Variants in USH1C observed in about 807,000 individuals in gnomAD.
USH1C encodes the protein USH1 protein network component harmonin, also known as harmonin.
In USH1C, 90 loss-of-function variants were observed where a neutral mutation model predicts 119.3. The ratio of observed to expected loss-of-function variants is 0.75; its 90% CI spans 0.64 to 0.90. USH1C has a LOEUF of 0.90. Among genes scored for constraint, USH1C ranks in the 40% least tolerant of loss-of-function variants. The pLI, the probability that USH1C is intolerant of heterozygous loss-of-function variation, is 0.00. For synonymous variants in USH1C, 465 were observed against 443.3 expected (o/e 1.05, Z -0.62); for missense variants, 1,165 against 1,167.7 (o/e 1.00, Z 0.03).
intron 1 of USH1C, among the ~76,000 whole-genome samples, chr11:17,543,827 G>A (rs574439142): frequency 6.6e-6 from 1 of 152,334 alleles, no homozygotes; most frequent in African/African-American, 2.4e-5. Context: ...AGGTCAAAAG[G>A]CAGAGAGAGA....
Position 17,531,130 on chromosome 11 carries a change from C to T in USH1C, c.387+24G>A, listed in dbSNP as rs200291055. ...AGGAGGTCCGAGGCCCTCGCTCCCC[C>T]TCCCCCGGACTCTGTTTGCTCACCT... On this transcript the variant is annotated intron_variant, in intron 4 of 26. Coordinates refer to ENST00000005226, the MANE Select transcript of USH1C (RefSeq NM_153676.4). This position sits in a 1 kb window ranked among gnomAD's most constrained non-coding sequence, Gnocchi z 4.2. 1.2e-5 allele frequency: 19 copies of T among 1,613,824 alleles called. No individual in the cohort carries two copies. The highest frequency in any genetic ancestry group is 4.5e-5 in the East Asian group (2 of 44,882).
intron 9 of USH1C, 47 bp downstream of exon 9, chr11:17,524,404 C>A (rs1225588803): frequency 6.5e-7 from 1 of 1,546,224 alleles, no homozygotes; most frequent in Non-Finnish European, 8.8e-7. Context: ...CACAGTCTGA[C>A]CCAATTTCCA....
chr11:17,495,554 C>T lies in USH1C; in HGVS notation c.2655+15G>A, dbSNP rs755027919. ...CAGGGACACACAGGGCCCTGTGGCC[C>T]GCCTGCCTATTCACCGTGGGCTCCA... is the stretch of plus-strand genomic sequence containing the variant. On this transcript the variant is annotated intron_variant, in intron 26 of 26. Transcript: ENST00000005226. 51 of 1,613,140 alleles carry T rather than the reference C, an allele frequency of 3.2e-5. No homozygotes were observed. The highest frequency in any genetic ancestry group is 1.7e-4 in the Middle Eastern group (1 of 5,772).
At chr11:17,494,469 A>T in intron 26 of USH1C, 93 bp from the exon 27 acceptor site, 1 of 1,426,206 alleles carries the variant, frequency 7.0e-7, no homozygotes, top group Non-Finnish European at 9.7e-7. Context: ...GGGAGTACCC[A>T]CTCTGGCAGC....
intron 15 of USH1C, among the ~76,000 whole-genome samples, chr11:17,513,699 G>C (rs1268871018): frequency 6.6e-6 from 1 of 152,180 alleles, no homozygotes; most frequent in Non-Finnish European, 1.5e-5. Flanking sequence ...CATCGTAGTA[G>C]AGATTCAGAC....
At chr11:17,541,055 T>G (rs1044183018) in intron 1 of USH1C, among the ~76,000 whole-genome samples, 1 of 152,182 alleles carries the variant, frequency 6.6e-6, no homozygotes, top group Admixed American at 6.5e-5. Context: ...TCACACTTGT[T>G]GCTTCCACTT....
chr11:17,520,714 G>A (rs1263814111), intron 14 of USH1C, among the ~76,000 whole-genome samples, 156 bp downstream of exon 14: 1 of 152,154 alleles, frequency 6.6e-6, no homozygotes, highest in African/African-American at 2.4e-5. Context: ...CCTCGATGCT[G>A]GGGCAGATGG....
intron 4 of USH1C, among the ~76,000 whole-genome samples, chr11:17,530,920 A>C (rs1163828032): frequency 6.6e-6 from 1 of 152,218 alleles, no homozygotes; most frequent in Non-Finnish European, 1.5e-5. Flanking sequence ...AGGAGGCAGC[A>C]GTTGGAAGCA....
At chr11:17,515,793 C>A (rs1014063255) in intron 15 of USH1C, among the ~76,000 whole-genome samples, 4 of 152,152 alleles carry the variant, frequency 2.6e-5, no homozygotes, top group Non-Finnish European at 1.5e-5. Context: ...GGTCTCTGTC[C>A]CAACCTGAGG....
chr11:17,523,803 T>C (rs1296476293), intron 9 of USH1C, among the ~76,000 whole-genome samples: 1 of 152,268 alleles, frequency 6.6e-6, no homozygotes, highest in Non-Finnish European at 1.5e-5. Context: ...AGCTTCTCAT[T>C]TAGCACAGGC....
At chr11:17,496,290 C>T (rs1035437861) in intron 25 of USH1C, among the ~76,000 whole-genome samples, 3 of 152,120 alleles carry the variant, frequency 2.0e-5, no homozygotes, top group Admixed American at 2.0e-4. Context: ...CCAAAGCTCC[C>T]TGGAGATCCC....
intron 23 of USH1C, among the ~76,000 whole-genome samples, chr11:17,498,787 T>A (rs527752138): frequency 6.6e-6 from 1 of 152,262 alleles, no homozygotes; most frequent in East Asian, 1.9e-4. Context: ...TCTCACAGCA[T>A]CCCAATCTTT....
intron 1 of USH1C, chr11:17,533,553 C>G: frequency 1.6e-6 from 1 of 633,508 alleles, no homozygotes; most frequent in Non-Finnish European, 2.9e-6. Context: ...CCAGATGTGG[C>G]CAGGCACCCT....
At chr11:17,543,229 G>T (rs1405412904) in intron 1 of USH1C, among the ~76,000 whole-genome samples, 1 of 152,242 alleles carries the variant, frequency 6.6e-6, no homozygotes, top group Non-Finnish European at 1.5e-5. Context: ...TGGGAAGGAA[G>T]GAGTTAAGCA....
At chr11:17,494,418 T>C (rs374192635) in intron 26 of USH1C, 42 bp from the exon 27 acceptor site, 1 of 1,573,320 alleles carries the variant, frequency 6.4e-7, no homozygotes, top group African/African-American at 1.4e-5. Context: ...ACAGGCTTTG[T>C]GGGTGCACAC....
chr11:17,512,430 AGTTCTGT>A (rs1278974195), intron 15 of USH1C, among the ~76,000 whole-genome samples: 2 of 152,214 alleles, frequency 1.3e-5, no homozygotes, highest in African/African-American at 2.4e-5. Flanking sequence ...ACTTTGTAAA[AGTTCTGT>A]ATAAATAAAA....
At chr11:17,510,866 A>C (rs986502404) in intron 16 of USH1C, among the ~76,000 whole-genome samples, 1 of 152,186 alleles carries the variant, frequency 6.6e-6, no homozygotes, top group Non-Finnish European at 1.5e-5. Flanking sequence ...AGCACATTCC[A>C]AGAGTTTAAC....
intron 10 of USH1C, 33 bp from the exon 11 acceptor site, chr11:17,523,300 T>G (rs767209370): frequency 3.7e-6 from 6 of 1,614,012 alleles, no homozygotes; most frequent in Non-Finnish European, 5.1e-6. Context: ...GGCCGAGGCC[T>G]GACAGACCAC....
chr11:17,512,624 G>A (rs369504124), intron 15 of USH1C, among the ~76,000 whole-genome samples: 48 of 152,298 alleles, frequency 3.2e-4, no homozygotes, highest in African/African-American at 1.1e-3. Flanking sequence ...CCCGTCCTAA[G>A]CTAGAAGTGA....
Sources: allele counts gnomAD v4.1 joint callset (sites outside exome capture counted in the v4.1 genomes callset), GRCh38; gene constraint gnomAD v4.1.1; non-coding constraint Gnocchi (gnomAD v3.1); transcripts MANE v1.5; gene names NCBI Gene and HGNC (gene_info 2026-07-23, HGNC 2026-07-21).